The following PTPN1 variants were observed in gnomAD, a reference collection of about 807,000 sequenced individuals.
PTPN1 encodes protein tyrosine phosphatase non-receptor type 1.
In PTPN1, 12 loss-of-function variants were observed where a neutral mutation model predicts 59.9. The ratio of observed to expected loss-of-function variants is 0.20; its 90% confidence interval spans 0.13 to 0.32. The LOEUF is 0.32. PTPN1 is among the 10% of genes least tolerant of loss of function. The pLI is 1.00. For missense variants in PTPN1, 356 were observed against 549.2 expected (o/e 0.65, Z 3.52); for synonymous variants, 178 against 203.6 (o/e 0.87, Z 1.07).
At chr20:50,543,853 T>C (rs1471296564) in intron 1 of PTPN1, among the ~76,000 whole-genome samples, 1 of 148,250 alleles carries the variant, frequency 6.7e-6, no homozygotes, top group Non-Finnish European at 1.5e-5. Context: ...ACTTTTAAAC[T>C]TTTTTTTTTT....
intron 1 of PTPN1, among the ~76,000 whole-genome samples, chr20:50,539,528 G>C (rs558469584): frequency 6.6e-6 from 1 of 151,376 alleles, no homozygotes; most frequent in South Asian, 2.1e-4. Context: ...ATGTTATTCT[G>C]TTGTCTTCTG....
chr20:50,581,096 G>C (rs2082865944), intron 8 of PTPN1, among the ~76,000 whole-genome samples, 169 bp from the exon 9 acceptor site: 1 of 152,142 alleles, frequency 6.6e-6, no homozygotes, highest in African/African-American at 2.4e-5. Context: ...GTGGGCCCTG[G>C]CCTGGCCCTC....
chr20:50,561,382 G>A lies in PTPN1; in HGVS notation c.83G>A (p.Ser28Asn), dbSNP rs201758338. Reference protein sequence around the residue: ...AIYQDIRHEASDFPCRVAKLP... With the variant: ...AIYQDIRHEANDFPCRVAKLP... ...TTGTAGGATATCCGACATGAAGCCA[G>A]TGACTTCCCATGTAGAGTGGCCAAG... Residue 28 changes from serine to asparagine, a missense_variant, in exon 2 of 10, where the codon AGT (serine) becomes AAT (asparagine). This residue lies in a region of PTPN1 where 194 missense variants were observed against 344.2 expected (regional missense o/e 0.56). Transcript: ENST00000371621. The A allele has an allele frequency of 6.2e-7, 1 of 1,612,422 alleles. No homozygotes were observed. The highest frequency in any genetic ancestry group is 1.3e-5 in the African/African-American group (1 of 74,932).
chr20:50,530,582 C>A (rs999438510), intron 1 of PTPN1, among the ~76,000 whole-genome samples: 3 of 151,918 alleles, frequency 2.0e-5, no homozygotes, highest in Non-Finnish European at 4.4e-5. Context: ...TGGTCTTGAT[C>A]TCTTGACCCC....
chr20:50,523,001 G>C (rs543420799), intron 1 of PTPN1, among the ~76,000 whole-genome samples: 1 of 151,654 alleles, frequency 6.6e-6, no homozygotes, highest in African/African-American at 2.4e-5. Flanking sequence ...CCTGACCTCA[G>C]GTGATCCATC....
rs560570386 is a variant in PTPN1 at position 50,584,725 on chromosome 20, T to C, written c.*2010T>C. The C allele has an allele frequency of 6.6e-6, 1 of 152,316 alleles. No individual in the cohort carries two copies. Among genetic ancestry groups the C allele is most frequent in the South Asian group, 2.1e-4 (1 of 4,824 alleles). The allele number at this position is 152,316 out of a possible 1,614,324, so 9.4% of individuals were successfully genotyped here. ...CCATATTCATGATGGGTTTGCATTT[T>C]AGCTGCAACAATAAAATTTTTTTCT... is the stretch of plus-strand genomic sequence containing the variant. On this transcript the variant is annotated 3_prime_UTR_variant, in exon 10 of 10. Transcript: ENST00000371621.
chr20:50,539,601 GT>G (rs2082639759), intron 1 of PTPN1, among the ~76,000 whole-genome samples: 1 of 146,880 alleles, frequency 6.8e-6, no homozygotes, highest in African/African-American at 2.5e-5. Flanking sequence ...GTGACTTAGG[GT>G]TTTTTGTCTA....
Position 50,565,039 on chromosome 20 carries a change from A to G in PTPN1, c.225A>G (p.Glu75=). ...TCAACGCTAGTTTGATAAAAATGGAAGAAGCCCAAAGGAGTTACATTCTTA... is the reference window on the plus strand; with the variant it reads ...TCAACGCTAGTTTGATAAAAATGGAGGAAGCCCAAAGGAGTTACATTCTTA... ...DYINASLIKM[E]EAQRSYILTQ... The change falls in exon 3 of 10, where the codon GAA becomes GAG. Residue 75 remains glutamate, a synonymous_variant. Transcript: ENST00000371621. 2 of 1,613,398 alleles carry G rather than the reference A, an allele frequency of 1.2e-6. No homozygotes were observed. Among genetic ancestry groups the G allele is most frequent in the Non-Finnish European group, 1.7e-6 (2 of 1,179,848 alleles).
chr20:50,574,897 G>A (rs1250936003), intron 5 of PTPN1: 1 of 451,562 alleles, frequency 2.2e-6, no homozygotes, highest in African/African-American at 2.1e-5. Context: ...TTAGGGAAAG[G>A]AGAGTTTCTT....
chr20:50,579,134 C>T (rs1474173140), intron 6 of PTPN1, 34 bp from the exon 7 acceptor site: 7 of 1,609,346 alleles, frequency 4.3e-6, no homozygotes, highest in African/African-American at 1.3e-5. Flanking sequence ...GAGAATTGGA[C>T]CTGGCTGACT....
At chr20:50,563,359 A>C (rs558645757) in intron 2 of PTPN1, among the ~76,000 whole-genome samples, 26 of 152,226 alleles carry the variant, frequency 1.7e-4, no homozygotes, top group Middle Eastern at 3.4e-3. Context: ...AGTTACAGGC[A>C]CTTGCTGAAC....
At chr20:50,571,893 C>T (rs1198667722) in intron 4 of PTPN1, 4 of 152,222 alleles carry the variant, frequency 2.6e-5, no homozygotes, top group Non-Finnish European at 5.9e-5. Context: ...CTCACTAAAG[C>T]TGCCGTTTGC....
chr20:50,533,893 G>A (rs1334769583), intron 1 of PTPN1, among the ~76,000 whole-genome samples: 1 of 152,140 alleles, frequency 6.6e-6, no homozygotes, highest in Non-Finnish European at 1.5e-5. Flanking sequence ...TATGAGCACA[G>A]AAGAGGAGCA....
chr20:50,581,564 C>G (rs1346678197), intron 9 of PTPN1, 104 bp downstream of exon 9: 3 of 1,292,790 alleles, frequency 2.3e-6, no homozygotes, highest in Non-Finnish European at 3.1e-6. Flanking sequence ...CTGAGCCAGT[C>G]TCAGAAGAAA....
chr20:50,530,715 C>T (rs1203876511), intron 1 of PTPN1, among the ~76,000 whole-genome samples: 1 of 146,912 alleles, frequency 6.8e-6, no homozygotes, highest in East Asian at 2.0e-4. Context: ...CTTTTTGAGA[C>T]AGAGTTTCAC....
At chr20:50,518,058 A>G (rs2122720386) in intron 1 of PTPN1, among the ~76,000 whole-genome samples, 1 of 151,428 alleles carries the variant, frequency 6.6e-6, no homozygotes, top group East Asian at 1.9e-4. Flanking sequence ...GAAAAGGAAA[A>G]CTCTTCCCTT....
intron 1 of PTPN1, among the ~76,000 whole-genome samples, chr20:50,547,049 A>C (rs2082678887): frequency 6.6e-6 from 1 of 152,194 alleles, no homozygotes; most frequent in African/African-American, 2.4e-5. Context: ...TTTAAAAAAA[A>C]TAGTGGTTCC....
rs1479941474 is a variant in PTPN1 at position 50,582,819 on chromosome 20, G to T, written c.*104G>T. The T allele has an allele frequency of 1.4e-6, 2 of 1,408,510 alleles. No homozygotes were observed. Among genetic ancestry groups the T allele is most frequent in the African/African-American group, 1.4e-5 (1 of 69,926 alleles). 87.3% of individuals were successfully genotyped at this position (1,408,510 alleles called of 1,614,324 possible). On this transcript the variant is annotated 3_prime_UTR_variant, in exon 10 of 10. Transcript: ENST00000371621. The surrounding 1 kb of genome is among the most constrained non-coding windows in gnomAD (Gnocchi z 4.2). Reference sequence around the variant, plus strand: ...CGGTAGGTAAGGGCCGCCGGACCGCGTAGAGAGCCGGGCCCCGGACGGACG... The same window carrying T: ...CGGTAGGTAAGGGCCGCCGGACCGCTTAGAGAGCCGGGCCCCGGACGGACG...
At position 50,579,818 on chromosome 20, in the gene PTPN1, T is replaced by C; in HGVS notation, c.980T>C (p.Phe327Ser). Residue 327 changes from phenylalanine (F) to serine (S), a missense_variant, in exon 8 of 10, where the codon TTC becomes TCC. Phe to Ser is a radical substitution (Grantham distance 155). This residue lies in a region of PTPN1 where 100 missense variants were observed against 107.7 expected (regional missense o/e 0.93). Transcript: ENST00000371621. ...LEPHNGKCRE[F>S]FPNHQWVKEE... The stretch of plus-strand genomic sequence containing the variant: ...CCACACAATGGGAAATGCAGGGAGT[T>C]CTTCCCAAATCACCAGTGGGTGAAG... 6.2e-7 allele frequency: 1 copy of C among 1,614,142 alleles called. No homozygotes were observed. The highest frequency in any genetic ancestry group is 8.5e-7 in the Non-Finnish European group (1 of 1,180,018).
Sources: gnomAD v4.1 joint callset for allele counts (sites outside exome capture counted in the v4.1 genomes callset) on GRCh38, gnomAD v4.1.1 for gene constraint, gnomAD v4.1.1 regional missense constraint, Gnocchi (gnomAD v3.1) non-coding constraint, MANE v1.5 for transcripts, NCBI Gene and HGNC (gene_info 2026-07-23, HGNC 2026-07-21) for gene names.